BAZ1A: variants seen among roughly 807,000 people sequenced by gnomAD.
BAZ1A encodes bromodomain adjacent to zinc finger domain 1A, also known as bromodomain adjacent to zinc finger domain protein 1A.
Under a neutral mutation model 185.2 loss-of-function variants are expected in BAZ1A, and 50 were observed. The ratio of observed to expected loss-of-function variants is 0.27; its 90% CI spans 0.22 to 0.34. BAZ1A has a LOEUF of 0.34. Among genes scored for constraint, BAZ1A ranks in the 10% least tolerant of loss-of-function variants. The pLI is 1.00. For synonymous variants in BAZ1A, 571 were observed against 615.6 expected (o/e 0.93, Z 1.07); for missense variants, 1,356 against 1,839.9 (o/e 0.74, Z 4.81).
chr14:34,781,786 C>T (rs182395118), intron 16 of BAZ1A, among the ~76,000 whole-genome samples: 20 of 152,276 alleles, frequency 1.3e-4, no homozygotes, highest in Non-Finnish European at 4.4e-5. Context: ...CGTGAGCCAC[C>T]GCAATTGGTC....
At chr14:34,784,880 G>A (rs183208949) in intron 14 of BAZ1A, among the ~76,000 whole-genome samples, 436 of 151,846 alleles carry the variant, frequency 2.9e-3, no homozygotes, top group Admixed American at 4.8e-3. Flanking sequence ...TATTTGAGAC[G>A]GAGTCTTGCT....
intron 20 of BAZ1A, 71 bp from the exon 21 acceptor site, chr14:34,771,730 G>A: frequency 1.4e-6 from 2 of 1,404,320 alleles, no homozygotes; most frequent in East Asian, 2.3e-5. Flanking sequence ...TCCATTCATT[G>A]GTTCAAATGC....
chr14:34,862,988 CTTTT>C (rs372555589), intron 2 of BAZ1A, among the ~76,000 whole-genome samples: 5 of 119,728 alleles, frequency 4.2e-5, no homozygotes, highest in Admixed American at 1.8e-4. Context: ...TCCACTCTCT[CTTTT>C]TTTTTTTTTT....
chr14:34,802,827 T>C (rs758916348), intron 7 of BAZ1A, 27 bp downstream of exon 7: 2 of 1,596,030 alleles, frequency 1.3e-6, no homozygotes, highest in Non-Finnish European at 1.7e-6. Context: ...ACAGTGAAAA[T>C]GTAGTTTTAA....
In BAZ1A at chr14:34,776,440, G is replaced by A; in HGVS notation, c.2312C>T (p.Thr771Ile). 1 of 1,613,972 alleles carries A rather than the reference G, an allele frequency of 6.2e-7. No homozygotes were observed. Among genetic ancestry groups the A allele is most frequent in the South Asian group, 1.1e-5 (1 of 91,084 alleles). Residue 771 changes from threonine to isoleucine, a missense_variant, in exon 18 of 27, where the codon ACT becomes ATT. Physicochemically the swap from Thr to Ile is moderately conservative, Grantham distance 89. Transcript: ENST00000360310. ...TTTTAATGCTTCTTCCTCATCAGCA[G>A]TAAGAGGCTCTCTTGTTACACAGTT... ...QINCVTREPLTADEEEALKQE... is the reference protein window; with the variant it reads ...QINCVTREPLIADEEEALKQE...
rs1280241338 is a variant in BAZ1A, at chr14:34,773,576, C to T, written c.3148G>A (p.Asp1050Asn). ...TTTAGAAAAATCTTTTTGTACCTGTCTTTTACTATGACCTTTGTTTGTTCA... is the reference window on the plus strand; with the variant it reads ...TTTAGAAAAATCTTTTTGTACCTGTTTTTTACTATGACCTTTGTTTGTTCA... ...IDEQTKVIVKDRLLGIKTETP... is the reference protein window; with the variant it reads ...IDEQTKVIVKNRLLGIKTETP... The change falls in exon 20 of 27, where the codon GAC becomes AAC. Residue 1050 changes from aspartate to asparagine, a missense_variant. Physicochemically the swap from Asp to Asn is conservative, Grantham distance 23. This residue lies in a region of BAZ1A where 434 missense variants were observed against 561.7 expected (regional missense o/e 0.77). Coordinates refer to ENST00000360310, the MANE Select transcript of BAZ1A (RefSeq NM_013448.3). 4.4e-6 allele frequency: 7 copies of T among 1,593,782 alleles called. No homozygotes were observed. The highest frequency in any genetic ancestry group is 1.8e-5 in the Admixed American group (1 of 56,322).
intron 12 of BAZ1A, among the ~76,000 whole-genome samples, chr14:34,786,847 A>G (rs1371161862): frequency 6.6e-6 from 1 of 151,638 alleles, no homozygotes; most frequent in Admixed American, 6.6e-5. Flanking sequence ...ACCTCAGGTG[A>G]TCCACCCACC....
At chr14:34,813,214 AAAC>A (rs2041955507) in intron 4 of BAZ1A, among the ~76,000 whole-genome samples, 1 of 97,052 alleles carries the variant, frequency 1.0e-5, no homozygotes, top group South Asian at 3.9e-4. Context: ...GAAACCTACA[AAAC>A]ACACACACAC....
chr14:34,826,534 G>A (rs1371317116), intron 3 of BAZ1A, among the ~76,000 whole-genome samples: 2 of 152,122 alleles, frequency 1.3e-5, no homozygotes, highest in Non-Finnish European at 1.5e-5. Context: ...TGCTTTTGCT[G>A]TATCCCATAA....
At chr14:34,832,209 C>CATATAT (rs1346957821) in intron 3 of BAZ1A, among the ~76,000 whole-genome samples, 2 of 63,934 alleles carry the variant, frequency 3.1e-5, no homozygotes, top group East Asian at 3.9e-4. Context: ...CACACACACA[C>CATATAT]ACACACATAT....
chr14:34,827,134 G>T (rs910386247), intron 3 of BAZ1A, among the ~76,000 whole-genome samples: 1 of 151,834 alleles, frequency 6.6e-6, no homozygotes, highest in African/African-American at 2.4e-5. Flanking sequence ...TGTCTCTCTG[G>T]AAAACTCTGT....
Position 34,862,157 on chromosome 14 carries a change from G to C in BAZ1A, c.279C>G (p.Thr93=). The C allele has an allele frequency of 6.2e-7, 1 of 1,614,134 alleles. No individual in the cohort carries two copies. ...GTAAGCGCGAACGATGGGTAAGGCT[G>C]GTCAAGTATAAAACTGGAATAATTA... ...EPLIIPVLYL[T]SLTHRSRLHE... Residue 93 remains threonine (T), a synonymous_variant, in exon 3 of 27, where the codon ACC becomes ACG. Coordinates refer to ENST00000360310, the MANE Select transcript of BAZ1A (RefSeq NM_013448.3).
chr14:34,807,422 T>G (rs770806108), intron 6 of BAZ1A, 29 bp downstream of exon 6: 1 of 1,525,546 alleles, frequency 6.6e-7, no homozygotes, highest in South Asian at 1.2e-5. Context: ...TTTTCTGTCT[T>G]CCAACAAATA....
rs149979682 is a variant in BAZ1A, at chr14:34,874,545, G to C, written c.60C>G (p.Pro20=). ...VRQKPPADLR[P]DEEVFYCKVT... ...CTTTACAGTAGAAAACTTCCTCGTC[G>C]GGCCGCAGGTCCGCGGGCGGCTTCT... Residue 20 remains proline, a synonymous_variant, in exon 2 of 27, where the codon CCC becomes CCG. Transcript: ENST00000360310. The surrounding 1 kb of genome is among the most constrained non-coding windows in gnomAD (Gnocchi z 4.7). 28 of 1,611,364 alleles carry C rather than the reference G, an allele frequency of 1.7e-5. No homozygotes were observed. Among genetic ancestry groups the C allele is most frequent in the South Asian group, 2.2e-5 (2 of 91,004 alleles).
chr14:34,752,900 CATT>C lies in BAZ1A; in HGVS notation c.*605_*607del, dbSNP rs1886075509. On this transcript the variant is annotated 3_prime_UTR_variant, in exon 27 of 27. Coordinates refer to ENST00000360310, the MANE Select transcript of BAZ1A (RefSeq NM_013448.3). ...TAAAAACACAGTAAAAGGTTTAAAA[CATT>C]AAGGAACATTTTTCAGGTATAAATT... The C allele has an allele frequency of 6.6e-6, 1 of 152,318 alleles. No individual in the cohort carries two copies. The highest frequency in any genetic ancestry group is 2.4e-5 in the African/African-American group (1 of 41,404). 9.4% of individuals were successfully genotyped at this position (152,318 alleles called of 1,614,324 possible).
intron 23 of BAZ1A, among the ~76,000 whole-genome samples, chr14:34,763,284 C>T (rs1878550148): frequency 2.0e-5 from 3 of 152,128 alleles, no homozygotes; most frequent in Admixed American, 2.0e-4. Context: ...GCTGGTATTT[C>T]TTAAAACCTT....
chr14:34,816,935 T>G, intron 4 of BAZ1A: 1 of 310,576 alleles, frequency 3.2e-6, no homozygotes, highest in Non-Finnish European at 6.6e-6. Flanking sequence ...TAAAAATCTA[T>G]TAGTAATTTT....
In BAZ1A at chr14:34,762,147, G is replaced by T. The variant is rs560209924; in HGVS notation, c.3853C>A (p.Arg1285Ser). ...RGKLSSSFSS[R>S]GQQQEPGRYP... is the part of the protein sequence containing the mutation. Reference sequence around the variant, plus strand: ...CTTCCAGGTTCTTGTTGTTGGCCACGACTTGAGAAAGAAGAGCTAAGTTTC... The same window carrying T: ...CTTCCAGGTTCTTGTTGTTGGCCACTACTTGAGAAAGAAGAGCTAAGTTTC... The change falls in exon 24 of 27, where the codon CGT (arginine) becomes AGT (serine). Residue 1285 changes from arginine (R) to serine (S), a missense_variant. Transcript: ENST00000360310. 6.2e-7 allele frequency: 1 copy of T among 1,614,198 alleles called. No homozygotes were observed. Among genetic ancestry groups the T allele is most frequent in the Non-Finnish European group, 8.5e-7 (1 of 1,180,042 alleles).
intron 12 of BAZ1A, among the ~76,000 whole-genome samples, chr14:34,791,632 C>T (rs1880852894): frequency 6.6e-6 from 1 of 152,212 alleles, no homozygotes. Flanking sequence ...ACAAAACTAT[C>T]TGACTGGAGG....
Sources: gnomAD v4.1 joint callset for allele counts (sites outside exome capture counted in the v4.1 genomes callset) on GRCh38, gnomAD v4.1.1 for gene constraint, gnomAD v4.1.1 regional missense constraint, Gnocchi (gnomAD v3.1) non-coding constraint, MANE v1.5 for transcripts, NCBI Gene and HGNC (gene_info 2026-07-23, HGNC 2026-07-21) for gene names.